The following NIBAN1 variants were observed in gnomAD, a reference collection of about 807,000 sequenced individuals.
NIBAN1 encodes niban apoptosis regulator 1, also known as protein Niban 1.
In NIBAN1, 81 loss-of-function variants were observed where a neutral mutation model predicts 75.1. The ratio of observed to expected loss-of-function variants is 1.08; its 90% CI spans 0.90 to 1.30. The LOEUF (loss-of-function observed/expected upper bound fraction) is 1.30, where lower values mean the gene tolerates loss of function less well. Among genes scored for constraint, NIBAN1 ranks in the 50% most tolerant of loss-of-function variants. The pLI is 0.00. For missense variants in NIBAN1, 1,133 were observed against 1,128.1 expected (o/e 1.00, Z -0.06); for synonymous variants, 436 against 424.8 (o/e 1.03, Z -0.32).
At chr1:184,934,831 G>T (rs1657913512) in intron 1 of NIBAN1, among the ~76,000 whole-genome samples, 1 of 152,094 alleles carries the variant, frequency 6.6e-6, no homozygotes, top group African/African-American at 2.4e-5. Context: ...GGAGGCAGCG[G>T]TTGCAGTGAG....
intron 5 of NIBAN1, chr1:184,868,683 G>A (rs1656020584): frequency 6.6e-6 from 1 of 152,228 alleles, no homozygotes; most frequent in Non-Finnish European, 1.5e-5. Context: ...AGTTCAGTAG[G>A]AAGTGAGTAT....
chr1:184,945,990 G>T (rs1376702159), intron 1 of NIBAN1, among the ~76,000 whole-genome samples: 1 of 140,034 alleles, frequency 7.1e-6, no homozygotes, highest in Non-Finnish European at 1.6e-5. Flanking sequence ...ATTTCAAAGC[G>T]CTGGGATTAA....
At chr1:184,852,340 C>T (rs1655563304) in intron 5 of NIBAN1, among the ~76,000 whole-genome samples, 1 of 152,196 alleles carries the variant, frequency 6.6e-6, no homozygotes, top group South Asian at 2.1e-4. Context: ...CAAAACTGGG[C>T]ATGGTCAGGG....
At chr1:184,802,949 G>C (rs1465587466) in intron 12 of NIBAN1, among the ~76,000 whole-genome samples, 1 of 152,180 alleles carries the variant, frequency 6.6e-6, no homozygotes, top group African/African-American at 2.4e-5. Context: ...TTTGTACCAT[G>C]AGGATATAAA....
intron 1 of NIBAN1, among the ~76,000 whole-genome samples, chr1:184,961,249 T>G (rs1193505812): frequency 2.0e-5 from 3 of 151,426 alleles, no homozygotes; most frequent in Non-Finnish European, 4.4e-5. Context: ...TTTTGTATTT[T>G]TAGTAGAGAC....
At chr1:184,931,229 A>G (rs913885989) in intron 1 of NIBAN1, among the ~76,000 whole-genome samples, 1 of 151,818 alleles carries the variant, frequency 6.6e-6, no homozygotes, top group Non-Finnish European at 1.5e-5. Context: ...CGAACTCCTG[A>G]CCTCAGGTGA....
At chr1:184,948,890 G>A (rs1465507856) in intron 1 of NIBAN1, among the ~76,000 whole-genome samples, 1 of 152,080 alleles carries the variant, frequency 6.6e-6, no homozygotes, top group Non-Finnish European at 1.5e-5. Flanking sequence ...ACAACAGATT[G>A]AAGGATCATG....
chr1:184,809,675 A>G lies in NIBAN1; in HGVS notation c.1174-1440T>C, dbSNP rs532479848. Among the ~76,000 whole-genome samples, 55 of 122,824 alleles carry G rather than the reference A, an allele frequency of 4.5e-4. 1 individual carries two copies. Among genetic ancestry groups the G allele is most frequent in the African/African-American group, 1.8e-3 (46 of 25,234 alleles). The allele number at this position is 122,824 out of a possible 152,430, so 80.6% of individuals were successfully genotyped here. ...TATACACATATATATGTGTGTGTGT[A>G]TATATATATACATATATATGTGTAT... On this transcript the variant is annotated intron_variant, in intron 9 of 13. Transcript: ENST00000367511.
At chr1:184,798,530 A>G (rs1322101717) in intron 12 of NIBAN1, among the ~76,000 whole-genome samples, 1 of 151,674 alleles carries the variant, frequency 6.6e-6, no homozygotes, top group Admixed American at 6.6e-5. Context: ...ATTTTTTTTT[A>G]TCATCTCAAG....
At chr1:184,807,220 T>C (rs1180969325) in intron 10 of NIBAN1, among the ~76,000 whole-genome samples, 1 of 152,118 alleles carries the variant, frequency 6.6e-6, no homozygotes, top group African/African-American at 2.4e-5. Context: ...TGGTGTCCTT[T>C]AGAGCTTTGG....
chr1:184,907,425 G>C (rs563382241), intron 1 of NIBAN1, among the ~76,000 whole-genome samples: 42 of 152,212 alleles, frequency 2.8e-4, no homozygotes, highest in South Asian at 6.2e-4. Context: ...TTAATTTTGA[G>C]AAATAAGACA....
intron 1 of NIBAN1, among the ~76,000 whole-genome samples, chr1:184,941,116 A>G (rs13375252): frequency 0.016 from 2,372 of 152,364 alleles, 59 homozygotes; most frequent in African/African-American, 0.053. Context: ...AAATGGAAGA[A>G]GGAGGAAAAA....
At chr1:184,950,892 G>A (rs780970579) in intron 1 of NIBAN1, among the ~76,000 whole-genome samples, 5 of 152,150 alleles carry the variant, frequency 3.3e-5, no homozygotes, top group African/African-American at 7.2e-5. Flanking sequence ...AATATATTGT[G>A]AGCATATATC....
chr1:184,803,124 A>G (rs1233920283), intron 12 of NIBAN1, among the ~76,000 whole-genome samples: 2 of 152,234 alleles, frequency 1.3e-5, no homozygotes, highest in African/African-American at 4.8e-5. Context: ...GATTTAACAG[A>G]ACAAATATCC....
intron 1 of NIBAN1, among the ~76,000 whole-genome samples, chr1:184,907,680 C>T (rs530660799): frequency 1.2e-4 from 18 of 152,310 alleles, no homozygotes; most frequent in African/African-American, 3.8e-4. Context: ...CCCAAGGACT[C>T]TCTTTTTCTT....
chr1:184,906,485 C>T (rs1446106030), intron 1 of NIBAN1, among the ~76,000 whole-genome samples: 1 of 151,990 alleles, frequency 6.6e-6, no homozygotes. Context: ...ACAAAATTAG[C>T]CAGGCGTGGT....
At chr1:184,892,418 C>G (rs1220821697) in intron 3 of NIBAN1, among the ~76,000 whole-genome samples, 1 of 152,178 alleles carries the variant, frequency 6.6e-6, no homozygotes, top group Non-Finnish European at 1.5e-5. Context: ...TGTCCCTCCT[C>G]AAGCTCCTCT....
chr1:184,899,332 A>G (rs1386175131), intron 1 of NIBAN1, 23 bp from the exon 2 acceptor site: 5 of 1,612,520 alleles, frequency 3.1e-6, no homozygotes, highest in Non-Finnish European at 4.2e-6. Flanking sequence ...GAAAATTAGA[A>G]TTCTTAAGTA....
At chr1:184,904,862 A>T (rs1657049151) in intron 1 of NIBAN1, among the ~76,000 whole-genome samples, 1 of 151,998 alleles carries the variant, frequency 6.6e-6, no homozygotes, top group African/African-American at 2.4e-5. Context: ...GAGGCAGGAG[A>T]ATCACTTGAG....
Sources: gnomAD v4.1 joint callset for allele counts (sites outside exome capture counted in the v4.1 genomes callset) on GRCh38, gnomAD v4.1.1 for gene constraint, MANE v1.5 for transcripts, NCBI Gene and HGNC (gene_info 2026-07-23, HGNC 2026-07-21) for gene names.